CTNNA3: variants seen among roughly 807,000 people sequenced by gnomAD.
CTNNA3 encodes catenin alpha-3.
CTNNA3 carries 76 observed loss-of-function variants against 95.7 expected under a neutral mutation model. The observed-to-expected ratio is 0.79, with a 90% CI of 0.66 to 0.96. The LOEUF (loss-of-function observed/expected upper bound fraction) is 0.96. CTNNA3 is among the 40% of genes least tolerant of loss of function. The probability of loss-of-function intolerance (pLI) is 0.00; values close to 1 mark genes in which losing one functional copy is unlikely to be tolerated. For synonymous variants in CTNNA3, 431 were observed against 374.4 expected (o/e 1.15, Z -1.74); for missense variants, 1,191 against 1,089.8 (o/e 1.09, Z -1.31).
intron 14 of CTNNA3, 82 bp from the exon 15 acceptor site, chr10:66,069,571 C>G: frequency 9.5e-7 from 1 of 1,056,722 alleles, no homozygotes; most frequent in Non-Finnish European, 1.4e-6. Context: ...ATAGGATACT[C>G]ATAAAACTTG....
intron 4 of CTNNA3, among the ~76,000 whole-genome samples, chr10:67,535,143 A>C (rs1288612671): frequency 6.6e-6 from 1 of 152,122 alleles, no homozygotes; most frequent in Non-Finnish European, 1.5e-5. Flanking sequence ...GTATATCTTG[A>C]TTTCAAGAAA....
chr10:66,023,858 T>C (rs1273731351), intron 15 of CTNNA3, among the ~76,000 whole-genome samples: 2 of 152,074 alleles, frequency 1.3e-5, no homozygotes, highest in Non-Finnish European at 2.9e-5. Flanking sequence ...CAAGTCTCCT[T>C]TTAGAAAAAA....
chr10:66,311,557 C>T (rs1238185258), intron 12 of CTNNA3, among the ~76,000 whole-genome samples: 3 of 152,348 alleles, frequency 2.0e-5, no homozygotes, highest in Admixed American at 2.0e-4. Context: ...TGGTGCTTTA[C>T]TTCACTTAGT....
rs537152565 is a variant in CTNNA3, at chr10:66,175,578, G to A, written c.1885-72329C>T. 2.0e-5 allele frequency among the ~76,000 whole-genome samples: 3 copies of A among 152,254 alleles called. 1 individual carries two copies. The highest frequency in any genetic ancestry group is 7.2e-5 in the African/African-American group (3 of 41,564). On this transcript the variant is annotated intron_variant, in intron 13 of 17. Coordinates refer to ENST00000433211, the MANE Select transcript of CTNNA3 (RefSeq NM_013266.4). ...GTTAACACAAATAACAAAAGGGTAG[G>A]AGCTTGAGACATTTGGTGGAAACAC...
intron 10 of CTNNA3, among the ~76,000 whole-genome samples, chr10:66,580,930 A>G (rs1843164512): frequency 6.6e-6 from 1 of 151,654 alleles, no homozygotes; most frequent in Non-Finnish European, 1.5e-5. Flanking sequence ...TTCGATGTCT[A>G]TTATACCACT....
chr10:67,390,312 G>A (rs926072756), intron 5 of CTNNA3, among the ~76,000 whole-genome samples: 4 of 152,154 alleles, frequency 2.6e-5, no homozygotes, highest in African/African-American at 9.7e-5. Context: ...TAGAAGAAAT[G>A]GATAAATTCC....
At chr10:67,643,656 G>T (rs965404439) in intron 2 of CTNNA3, among the ~76,000 whole-genome samples, 7 of 151,580 alleles carry the variant, frequency 4.6e-5, no homozygotes, top group Non-Finnish European at 1.0e-4. Context: ...TCTACATTAG[G>T]TATTTCTCCT....
At chr10:66,848,172 T>C (rs1219226124) in intron 7 of CTNNA3, among the ~76,000 whole-genome samples, 1 of 152,172 alleles carries the variant, frequency 6.6e-6, no homozygotes, top group Non-Finnish European at 1.5e-5. Flanking sequence ...AGGTGAATGA[T>C]TTTCAATAGG....
chr10:66,691,688 G>T (rs1479681950), intron 9 of CTNNA3, among the ~76,000 whole-genome samples: 1 of 152,208 alleles, frequency 6.6e-6, no homozygotes, highest in Non-Finnish European at 1.5e-5. Context: ...TGACCCCTGA[G>T]AAGCCTAAGA....
Position 65,914,442 on chromosome 10 carries a change from C to T in CTNNA3, c.*5888G>A, listed in dbSNP as rs1009733561. 6.6e-6 allele frequency: 1 copy of T among 152,062 alleles called. No individual in the cohort carries two copies. The highest frequency in any genetic ancestry group is 2.4e-5 in the African/African-American group (1 of 41,414). 9.4% of individuals were successfully genotyped at this position (152,062 alleles called of 1,614,324 possible). ...GGGCAAGAAGAGTCTAGCCTTCAGT[C>T]GACTCTAAAAAAGGCCATGTAATTT... On this transcript the variant is annotated 3_prime_UTR_variant, in exon 18 of 18. Coordinates refer to ENST00000433211, the MANE Select transcript of CTNNA3 (RefSeq NM_013266.4).
intron 7 of CTNNA3, chr10:66,926,291 C>T: frequency 3.8e-6 from 2 of 523,256 alleles, no homozygotes; most frequent in South Asian, 2.0e-5. Flanking sequence ...CTCCCCACCC[C>T]CCAAAAAACT....
At chr10:66,763,203 AG>A (rs1839672525) in intron 9 of CTNNA3, among the ~76,000 whole-genome samples, 2 of 152,024 alleles carry the variant, frequency 1.3e-5, no homozygotes, top group South Asian at 4.1e-4. Flanking sequence ...CAATGTTTGT[AG>A]TAAATTACTG....
At chr10:66,949,828 G>A (rs1208336209) in intron 7 of CTNNA3, among the ~76,000 whole-genome samples, 1 of 152,182 alleles carries the variant, frequency 6.6e-6, no homozygotes, top group East Asian at 1.9e-4. Context: ...CACATGTTTT[G>A]TGATTCTAAC....
At chr10:66,280,117 C>A (rs1348328498) in intron 13 of CTNNA3, among the ~76,000 whole-genome samples, 1 of 152,024 alleles carries the variant, frequency 6.6e-6, no homozygotes, top group Admixed American at 6.6e-5. Context: ...AAGAAAGATT[C>A]TTTCCTTTTT....
intron 5 of CTNNA3, among the ~76,000 whole-genome samples, chr10:67,221,426 A>G (rs887659506): frequency 6.6e-6 from 1 of 152,214 alleles, no homozygotes; most frequent in African/African-American, 2.4e-5. Flanking sequence ...TTTAAAACTC[A>G]AAACACTAAG....
intron 5 of CTNNA3, among the ~76,000 whole-genome samples, chr10:67,309,508 C>T (rs1268969912): frequency 6.6e-6 from 1 of 151,894 alleles, no homozygotes; most frequent in Non-Finnish European, 1.5e-5. Context: ...AGAAGAGGCA[C>T]AAAGAGAGAA....
intron 12 of CTNNA3, among the ~76,000 whole-genome samples, chr10:66,285,806 A>C (rs1210857470): frequency 6.6e-6 from 1 of 151,912 alleles, no homozygotes; most frequent in East Asian, 1.9e-4. Context: ...AATTAATAGT[A>C]GAAAGTGGCA....
chr10:66,537,577 A>G (rs1841704390), intron 10 of CTNNA3, among the ~76,000 whole-genome samples: 1 of 149,132 alleles, frequency 6.7e-6, no homozygotes, highest in African/African-American at 2.4e-5. Context: ...TATAATAATT[A>G]TAAATAAATT....
At chr10:66,279,105 G>A (rs2091450467) in intron 13 of CTNNA3, among the ~76,000 whole-genome samples, 1 of 152,044 alleles carries the variant, frequency 6.6e-6, no homozygotes, top group Non-Finnish European at 1.5e-5. Flanking sequence ...CAGTGTACTA[G>A]ATTCTTTGTC....
Sources: allele counts gnomAD v4.1 joint callset (sites outside exome capture counted in the v4.1 genomes callset), GRCh38; gene constraint gnomAD v4.1.1; transcripts MANE v1.5; gene names NCBI Gene and HGNC (gene_info 2026-07-23, HGNC 2026-07-21).